The following P2RX1 variants were observed in gnomAD, a reference collection of about 807,000 sequenced individuals.
P2RX1 encodes the protein purinergic receptor P2X 1.
Under a neutral mutation model 50.3 loss-of-function variants are expected in P2RX1, and 42 were observed. That is an observed-to-expected ratio of 0.83 (90% confidence interval 0.65 to 1.08). P2RX1 has a LOEUF of 1.08. Ranked by LOEUF, P2RX1 falls within the 50% of genes least tolerant of loss-of-function variation. The pLI, the probability that P2RX1 is intolerant of heterozygous loss-of-function variation, is 0.00. For synonymous variants in P2RX1, 199 were observed against 202.6 expected (o/e 0.98, Z 0.15); for missense variants, 449 against 529.0 (o/e 0.85, Z 1.48).
At chr17:3,904,490 C>T in intron 3 of P2RX1, 91 bp from the exon 4 acceptor site, 3 of 1,130,298 alleles carry the variant, frequency 2.7e-6, no homozygotes, top group South Asian at 1.3e-5. Flanking sequence ...CTAGGGAGAG[C>T]GTGGGGCAGA....
chr17:3,913,730 C>T (rs2056402572), intron 1 of P2RX1, among the ~76,000 whole-genome samples: 1 of 152,262 alleles, frequency 6.6e-6, no homozygotes, highest in Non-Finnish European at 1.5e-5. Context: ...AGGCTTTGCC[C>T]TGTGTCTGGG....
chr17:3,908,765 TG>T (rs2056311905), intron 1 of P2RX1, among the ~76,000 whole-genome samples: 1 of 152,194 alleles, frequency 6.6e-6, no homozygotes, highest in Admixed American at 6.5e-5. Context: ...TCCCCCATCC[TG>T]GGGCTCTCCA....
intron 1 of P2RX1, 101 bp from the exon 2 acceptor site, chr17:3,905,468 C>G: frequency 5.1e-6 from 7 of 1,367,592 alleles, no homozygotes; most frequent in Non-Finnish European, 7.1e-6. Context: ...GAGCCACCAT[C>G]TGCTCCTAAA....
chr17:3,905,256 C>A lies in P2RX1; in HGVS notation c.249G>T (p.Gln83His). The change falls in exon 2 of 12, where the codon CAG becomes CAT. Residue 83 changes from glutamine to histidine, a missense_variant. Coordinates refer to ENST00000225538, the MANE Select transcript of P2RX1 (RefSeq NM_002558.4). ...AVTQLPGLGPQVWDVADYVFP... is the reference protein window; with the variant it reads ...AVTQLPGLGPHVWDVADYVFP... ...AGACGTAGTCAGCCACATCCCAGAC[C>A]TGGGGGCCGAGGCCAGGGAGCTGGG... 1 of 1,613,756 alleles carries A rather than the reference C, an allele frequency of 6.2e-7. No individual in the cohort carries two copies. Among genetic ancestry groups the A allele is most frequent in the East Asian group, 2.2e-5 (1 of 44,886 alleles).
At position 3,903,234 on chromosome 17, in the gene P2RX1, A is replaced by T. The variant is rs1330978731; in HGVS notation, c.715T>A (p.Ser239Thr). 6.2e-7 allele frequency: 1 copy of T among 1,613,962 alleles called. No homozygotes were observed. The highest frequency in any genetic ancestry group is 8.5e-7 in the Non-Finnish European group (1 of 1,179,996). ...GCCAGGGTGCTGAAGTTCTGGCCTG[A>T]CTCTTGCACCACGTAGCCAAGCTGG... ...VFQLGYVVQE[S>T]GQNFSTLAEK... The change falls in exon 7 of 12, where the codon TCA becomes ACA. Residue 239 changes from serine to threonine, a missense_variant. Coordinates refer to ENST00000225538, the MANE Select transcript of P2RX1 (RefSeq NM_002558.4). The surrounding 1 kb of genome is among the most constrained non-coding windows in gnomAD (Gnocchi z 4.6).
At position 3,903,355 on chromosome 17, in the gene P2RX1, G is replaced by T; in HGVS notation, c.606-12C>A. 6.2e-7 allele frequency: 1 copy of T among 1,613,992 alleles called. No homozygotes were observed. ...CCACCAGGTTGCGCCTGTGGGGGTG[G>T]AAGGTGTTGACAGCTGCTGTGTGTC... is the stretch of plus-strand genomic sequence containing the variant. On this transcript the variant is annotated splice_polypyrimidine_tract_variant and intron_variant, in intron 6 of 11. Coordinates refer to ENST00000225538, the MANE Select transcript of P2RX1 (RefSeq NM_002558.4). The surrounding 1 kb of genome is among the most constrained non-coding windows in gnomAD (Gnocchi z 4.6).
Position 3,916,227 on chromosome 17 carries a change from G to T in P2RX1, c.-2C>A. ...CTCCTCCTGGAACCGCCGTGCCATG[G>T]TGGGCCGGCTGGGGCTCAGAACTGA... On this transcript the variant is annotated 5_prime_UTR_variant, in exon 1 of 12. Transcript: ENST00000225538. 1 of 1,613,014 alleles carries T rather than the reference G, an allele frequency of 6.2e-7. No individual in the cohort carries two copies. Among genetic ancestry groups the T allele is most frequent in the Non-Finnish European group, 8.5e-7 (1 of 1,179,970 alleles).
Position 3,915,762 on chromosome 17 carries a change from G to C in P2RX1, c.137+327C>G, listed in dbSNP as rs556978430. 570 of 507,032 alleles carry C rather than the reference G, an allele frequency of 1.1e-3. 5 individuals carry two copies. The highest frequency in any genetic ancestry group is 3.8e-4 in the Non-Finnish European group (99 of 260,602). The allele number at this position is 507,032 out of a possible 1,614,324, so 31.4% of individuals were successfully genotyped here. A position where few individuals can be genotyped will look rare whatever the true frequency, so the allele number is the denominator to read the frequency against. On this transcript the variant is annotated intron_variant, in intron 1 of 11. Transcript: ENST00000225538. ...GTTTGGCAGGCGGTCAGAGGTCGAGGACTCAGTGGCTGTGGTTGGTGGTGC... is the reference window on the plus strand; with the variant it reads ...GTTTGGCAGGCGGTCAGAGGTCGAGCACTCAGTGGCTGTGGTTGGTGGTGC...
chr17:3,898,426 A>G (rs2056073557), intron 10 of P2RX1, 58 bp downstream of exon 10: 1 of 1,352,308 alleles, frequency 7.4e-7, no homozygotes, highest in African/African-American at 1.4e-5. Context: ...GCTGCTACTG[A>G]ATTGTGGAAG....
At position 3,903,396 on chromosome 17, in the gene P2RX1, C is replaced by T. The variant is rs2143998951; in HGVS notation, c.606-53G>A. ...GCTGTGTGTCATCCGGGAGGGTGCC[C>T]ACCACGCCCCAAAGCCTGGGGACCC... is the stretch of plus-strand genomic sequence containing the variant. On this transcript the variant is annotated intron_variant, in intron 6 of 11. Transcript: ENST00000225538. The surrounding 1 kb of genome is among the most constrained non-coding windows in gnomAD (Gnocchi z 4.6). 1.2e-6 allele frequency: 2 copies of T among 1,611,608 alleles called. No individual in the cohort carries two copies. The highest frequency in any genetic ancestry group is 2.7e-5 in the African/African-American group (2 of 74,998).
intron 7 of P2RX1, among the ~76,000 whole-genome samples, chr17:3,901,563 G>A (rs560496698): frequency 6.6e-6 from 1 of 152,364 alleles, no homozygotes; most frequent in East Asian, 1.9e-4. Context: ...AGCCCATATA[G>A]CCGGCAAAGC....
Position 3,897,592 on chromosome 17 carries a change from G to A in P2RX1, c.*222C>T. 1.7e-6 allele frequency: 1 copy of A among 598,050 alleles called. No individual in the cohort carries two copies. The highest frequency in any genetic ancestry group is 2.8e-5 in the East Asian group (1 of 35,494). The allele number at this position is 598,050 out of a possible 1,614,324, so 37.0% of individuals were successfully genotyped here. A position where few individuals can be genotyped will look rare whatever the true frequency, so the allele number is the denominator to read the frequency against. The stretch of plus-strand genomic sequence containing the variant: ...CAGCCATTCCCCACCAGGAGCGGCT[G>A]AGGCTAGGGTAGGGCTCCCTCAGGG... On this transcript the variant is annotated 3_prime_UTR_variant, in exon 12 of 12. Transcript: ENST00000225538.
chr17:3,905,865 A>G (rs935441040), intron 1 of P2RX1, among the ~76,000 whole-genome samples: 1 of 151,466 alleles, frequency 6.6e-6, no homozygotes, highest in South Asian at 2.1e-4. Context: ...AAAAAAAAAA[A>G]AAAGGAAAGA....
rs969911517 is a variant in P2RX1 at position 3,897,054 on chromosome 17, TAA to T, written c.*758_*759del. The T allele has an allele frequency of 5.2e-5, 8 of 153,070 alleles. No homozygotes were observed. Among genetic ancestry groups the T allele is most frequent in the African/African-American group, 1.9e-4 (8 of 41,450 alleles). The allele number at this position is 153,070 out of a possible 1,614,324, so 9.5% of individuals were successfully genotyped here. On this transcript the variant is annotated 3_prime_UTR_variant, in exon 12 of 12. Transcript: ENST00000225538. ...TGAACAGGAAGTGCAGGCTCAGGGC[TAA>T]GTCTGACTCCCGCTCAGGAGCTTAG...
chr17:3,909,741 T>C (rs2056330319), intron 1 of P2RX1, among the ~76,000 whole-genome samples: 1 of 152,062 alleles, frequency 6.6e-6, no homozygotes, highest in Non-Finnish European at 1.5e-5. Flanking sequence ...CAAACACTGT[T>C]GAACAAAACA....
intron 1 of P2RX1, among the ~76,000 whole-genome samples, chr17:3,912,890 G>C (rs2056389007): frequency 6.6e-6 from 1 of 152,160 alleles, no homozygotes; most frequent in Admixed American, 6.6e-5. Context: ...GTGATTTCAA[G>C]AGGTCTGTGT....
chr17:3,910,736 G>A (rs962217623), intron 1 of P2RX1, among the ~76,000 whole-genome samples: 2 of 152,218 alleles, frequency 1.3e-5, no homozygotes, highest in African/African-American at 2.4e-5. Context: ...GCCTGGGAGG[G>A]AATGTGCTCA....
At chr17:3,906,501 C>A (rs1474088558) in intron 1 of P2RX1, among the ~76,000 whole-genome samples, 1 of 152,176 alleles carries the variant, frequency 6.6e-6, no homozygotes, top group African/African-American at 2.4e-5. Context: ...ATGGGGATGG[C>A]ACAGAATAAA....
rs139208163 is a variant in P2RX1, at chr17:3,909,831, A to G, written c.138-4464T>C. Among the ~76,000 whole-genome samples, 111 of 152,344 alleles carry G rather than the reference A, an allele frequency of 7.3e-4. 1 individual carries two copies. In the East Asian group the frequency reaches 0.02, roughly 27 times the overall value. Reference sequence around the variant, plus strand: ...ATGCTCCTCAAATGACGATGGGGCTATAACCTGATAAACCCATCCTGAGTC... The same window carrying G: ...ATGCTCCTCAAATGACGATGGGGCTGTAACCTGATAAACCCATCCTGAGTC... On this transcript the variant is annotated intron_variant, in intron 1 of 11. Transcript: ENST00000225538.
Sources: gnomAD v4.1 joint callset for allele counts (sites outside exome capture counted in the v4.1 genomes callset) on GRCh38, gnomAD v4.1.1 for gene constraint, Gnocchi (gnomAD v3.1) non-coding constraint, MANE v1.5 for transcripts, NCBI Gene and HGNC (gene_info 2026-07-23, HGNC 2026-07-21) for gene names.